The following CSMD1 variants were observed in gnomAD, a reference collection of about 807,000 sequenced individuals.
CSMD1 encodes CUB and Sushi multiple domains 1.
In CSMD1, 213 loss-of-function variants were observed where a neutral mutation model predicts 417.5. The ratio of observed to expected loss-of-function variants is 0.51; its 90% CI spans 0.46 to 0.57. CSMD1 has a LOEUF of 0.57. Among genes scored for constraint, CSMD1 ranks in the 20% least tolerant of loss-of-function variants. CSMD1 has a pLI of 0.00. For missense variants in CSMD1, 6,923 were observed against 4,529.7 expected, an observed-to-expected ratio of 1.53 and a Z score of -15.17; for synonymous variants, 2,862 against 1,736.8, an observed-to-expected ratio of 1.65 and a Z score of -16.11.
chr8:3,579,198 C>T (rs116595140), intron 9 of CSMD1, among the ~76,000 whole-genome samples: 1,926 of 152,144 alleles, frequency 0.013, 46 homozygotes, highest in African/African-American at 0.043. Flanking sequence ...AAATATAAAA[C>T]GTCAGGAGGG....
chr8:3,069,529 T>A (rs922488483), intron 49 of CSMD1, among the ~76,000 whole-genome samples: 1 of 152,096 alleles, frequency 6.6e-6, no homozygotes, highest in Admixed American at 6.5e-5. Context: ...ACCTCCCAAA[T>A]AACTTCCTTT....
chr8:4,798,985 C>T (rs542736630), intron 1 of CSMD1, among the ~76,000 whole-genome samples: 1 of 152,310 alleles, frequency 6.6e-6, no homozygotes, highest in African/African-American at 2.4e-5. Context: ...ACGCCCACAT[C>T]CTCCTTCCTC....
chr8:3,748,903 G>C (rs1797183800), intron 6 of CSMD1, among the ~76,000 whole-genome samples: 1 of 152,206 alleles, frequency 6.6e-6, no homozygotes, highest in Non-Finnish European at 1.5e-5. Context: ...TGATTTATGA[G>C]ATGAATGTTC....
At chr8:4,571,514 T>G (rs181694328) in intron 2 of CSMD1, among the ~76,000 whole-genome samples, 216 of 152,336 alleles carry the variant, frequency 1.4e-3, no homozygotes, top group Non-Finnish European at 2.5e-3. Context: ...AGACTGTTTG[T>G]TATGATTTAT....
At chr8:3,393,911 C>T (rs186563475) in intron 17 of CSMD1, among the ~76,000 whole-genome samples, 1 of 149,196 alleles carries the variant, frequency 6.7e-6, no homozygotes, top group East Asian at 2.0e-4. Flanking sequence ...ATGGGTGCAG[C>T]ACACCAACAT....
In CSMD1 at chr8:3,959,467, C is replaced by G. The variant is rs148192983; in HGVS notation, c.818+38436G>C. 3.2e-3 allele frequency among the ~76,000 whole-genome samples: 482 copies of G among 152,244 alleles called. 4 individuals carry two copies. Among genetic ancestry groups the G allele is most frequent in the African/African-American group, 0.011 (464 of 41,552 alleles). ...TGAGCCAAGATCACGCCATTGCACT[C>G]CAGACTGGATGACTGAGCGAGACTC... On this transcript the variant is annotated intron_variant, in intron 5 of 69. Coordinates refer to ENST00000635120, the MANE Select transcript of CSMD1 (RefSeq NM_033225.6).
At chr8:4,636,448 T>C (rs550617221) in intron 2 of CSMD1, among the ~76,000 whole-genome samples, 59 of 152,154 alleles carry the variant, frequency 3.9e-4, no homozygotes, top group African/African-American at 1.4e-3. Context: ...AAGAATGCAA[T>C]AGCCCTGAAT....
intron 3 of CSMD1, among the ~76,000 whole-genome samples, chr8:4,223,184 A>C (rs1801143290): frequency 6.6e-6 from 1 of 152,110 alleles, no homozygotes; most frequent in South Asian, 2.1e-4. Flanking sequence ...GGAGTTAATA[A>C]AAGTCACTTC....
At chr8:3,921,389 TATTTA>T (rs1290311617) in intron 5 of CSMD1, among the ~76,000 whole-genome samples, 1 of 152,116 alleles carries the variant, frequency 6.6e-6, no homozygotes, top group African/African-American at 2.4e-5. Flanking sequence ...TTCTAGCCTC[TATTTA>T]ATTTATTATC....
chr8:3,662,856 G>T lies in CSMD1; in HGVS notation c.1009+45558C>A, dbSNP rs71521886. On this transcript the variant is annotated intron_variant, in intron 7 of 69. Coordinates refer to ENST00000635120, the MANE Select transcript of CSMD1 (RefSeq NM_033225.6). ...CCTGTCGGTGGGTAGGGGGAAAGAG[G>T]GGGGAGAGCATTAGGACAAATATGT... Among the ~76,000 whole-genome samples the T allele has an allele frequency of 4.1e-4, 63 of 152,084 alleles. 1 individual carries two copies. The highest frequency in any genetic ancestry group is 4.0e-3 in the South Asian group (19 of 4,804).
At chr8:4,067,269 T>G (rs992470021) in intron 3 of CSMD1, among the ~76,000 whole-genome samples, 2 of 152,218 alleles carry the variant, frequency 1.3e-5, no homozygotes, top group Non-Finnish European at 2.9e-5. Flanking sequence ...CTAAGAATCA[T>G]AGCCGAGATA....
intron 41 of CSMD1, among the ~76,000 whole-genome samples, chr8:3,120,299 G>A (rs536673250): frequency 2.6e-5 from 4 of 152,226 alleles, no homozygotes; most frequent in Non-Finnish European, 5.9e-5. Flanking sequence ...ATCAGTCTGT[G>A]TTTTATATTA....
In CSMD1 at chr8:3,914,373, A is replaced by ATT. The variant is rs1161858723; in HGVS notation, c.818+83529_818+83530insAA. Among the ~76,000 whole-genome samples the ATT allele has an allele frequency of 7.6e-4, 115 of 152,246 alleles. 1 individual carries two copies. Among genetic ancestry groups the ATT allele is most frequent in the South Asian group, 6.2e-4 (3 of 4,818 alleles). On this transcript the variant is annotated intron_variant, in intron 5 of 69. Transcript: ENST00000635120. ...GTGTCCCATTACGTTGGATAGATGT[A>ATT]AAAACATACGGGTACAGATAAAGAT...
At chr8:4,560,144 A>T (rs1044735857) in intron 2 of CSMD1, among the ~76,000 whole-genome samples, 1 of 152,230 alleles carries the variant, frequency 6.6e-6, no homozygotes, top group Non-Finnish European at 1.5e-5. Context: ...GAAGCAGCAT[A>T]TGCTGAGAAA....
intron 4 of CSMD1, among the ~76,000 whole-genome samples, chr8:4,014,099 A>T (rs1796406003): frequency 6.6e-6 from 1 of 152,216 alleles, no homozygotes; most frequent in South Asian, 2.1e-4. Context: ...AATGCCCTCA[A>T]ACTCAGCAAA....
chr8:4,035,414 T>C (rs1287791042), intron 3 of CSMD1, among the ~76,000 whole-genome samples: 2 of 152,322 alleles, frequency 1.3e-5, no homozygotes, highest in South Asian at 2.1e-4. Flanking sequence ...ACGATTTTAC[T>C]GTAAAACAAC....
chr8:3,396,041 G>A (rs543488664), intron 17 of CSMD1, among the ~76,000 whole-genome samples, 153 bp downstream of exon 17: 1 of 152,276 alleles, frequency 6.6e-6, no homozygotes, highest in East Asian at 1.9e-4. Flanking sequence ...ATGAATAACA[G>A]AAAGTTCTTA....
At position 3,468,830 on chromosome 8, in the gene CSMD1, A is replaced by G. The variant is rs1330308342; in HGVS notation, c.1449-6T>C. ...GAACACTGGATCCCGTGAGCCTGCA[A>G]GAAAGAGAAATGTCAAAGCTTTTAG... On this transcript the variant is annotated splice_region_variant and splice_polypyrimidine_tract_variant and intron_variant, in intron 11 of 69. Coordinates refer to ENST00000635120, the MANE Select transcript of CSMD1 (RefSeq NM_033225.6). 1 of 1,571,588 alleles carries G rather than the reference A, an allele frequency of 6.4e-7. No individual in the cohort carries two copies. Among genetic ancestry groups the G allele is most frequent in the East Asian group, 2.3e-5 (1 of 43,614 alleles).
chr8:3,635,452 C>T (rs1365119089), intron 7 of CSMD1, among the ~76,000 whole-genome samples: 2 of 151,342 alleles, frequency 1.3e-5, no homozygotes, highest in Admixed American at 6.6e-5. Context: ...CCACTACACT[C>T]CAGCCTGGGC....
Sources: allele counts gnomAD v4.1 joint callset (sites outside exome capture counted in the v4.1 genomes callset), GRCh38; gene constraint gnomAD v4.1.1; transcripts MANE v1.5; gene names NCBI Gene and HGNC (gene_info 2026-07-23, HGNC 2026-07-21).